CPAMD8: variants seen among roughly 807,000 people sequenced by gnomAD.
CPAMD8 encodes the protein C3 and PZP-like alpha-2-macroglobulin domain-containing protein 8.
A neutral mutation model predicts 224.7 loss-of-function variants in CPAMD8; 146 were observed. The observed-to-expected ratio is 0.65, with a 90% confidence interval of 0.57 to 0.75. CPAMD8 has a LOEUF of 0.75. CPAMD8 is among the 30% of genes least tolerant of loss of function. CPAMD8 has a pLI of 0.00. For missense variants in CPAMD8, 2,301 were observed against 2,537.5 expected (o/e 0.91, Z 2.00); for synonymous variants, 966 against 1,044.6 (o/e 0.92, Z 1.45).
In CPAMD8 at chr19:17,011,637, C is replaced by T. The variant is rs1358423323; in HGVS notation, c.388G>A (p.Val130Ile). The T allele has an allele frequency of 1.2e-6, 2 of 1,614,172 alleles. No individual in the cohort carries two copies. The highest frequency in any genetic ancestry group is 2.2e-5 in the East Asian group (1 of 44,876). Residue 130 changes from valine to isoleucine, a missense_variant, in exon 4 of 42, where the codon GTA becomes ATA. Val to Ile is a conservative substitution (Grantham distance 29). Coordinates refer to ENST00000443236, the MANE Select transcript of CPAMD8 (RefSeq NM_015692.5). ...ACAGGCTTGTCCGTCTGGATGAATA[C>T]AGAAGCGCCCCGGCCGTCCACGGTC... is the stretch of plus-strand genomic sequence containing the variant. ...SVTVDGRGAS[V>I]FIQTDKPVYR...
intron 27 of CPAMD8, among the ~76,000 whole-genome samples, chr19:16,918,787 A>G (rs2053059503): frequency 7.3e-6 from 1 of 136,642 alleles, no homozygotes; most frequent in Non-Finnish European, 1.5e-5. Context: ...TTCGATCTGT[A>G]GTTGATTGAA....
chr19:16,975,961 C>G lies in CPAMD8; in HGVS notation c.1908+41G>C, dbSNP rs189856077. On this transcript the variant is annotated intron_variant, in intron 16 of 41. Transcript: ENST00000443236. Reference sequence around the variant, plus strand: ...AAGGGAGAGCAAGAGAAGGTAAAGCCCCGTGGAGGTCTAGAACCCAAGCCC... The same window carrying G: ...AAGGGAGAGCAAGAGAAGGTAAAGCGCCGTGGAGGTCTAGAACCCAAGCCC... The G allele has an allele frequency of 2.2e-5, 33 of 1,479,076 alleles. No individual in the cohort carries two copies. In the East Asian group the frequency reaches 8.2e-4, roughly 37 times the overall value. The allele number at this position is 1,479,076 out of a possible 1,614,324, so 91.6% of individuals were successfully genotyped here.
chr19:16,904,176 A>ACCGCCCCCCCC, intron 32 of CPAMD8, 50 bp downstream of exon 32: 1 of 937,338 alleles, frequency 1.1e-6, no homozygotes, highest in Non-Finnish European at 1.7e-6. Flanking sequence ...GACTGCAGGG[A>ACCGCCCCCCCC]CCCCACCCAC....
intron 2 of CPAMD8, 77 bp from the exon 3 acceptor site, chr19:17,020,430 A>G (rs917500448): frequency 3.9e-5 from 42 of 1,067,718 alleles, no homozygotes; most frequent in Admixed American, 2.0e-4. Context: ...AGCCTCACAA[A>G]CCACAAACTT....
rs747880008 is a variant in CPAMD8 at position 16,929,185 on chromosome 19, T to C, written c.2901A>G (p.Pro967=). 6.2e-7 allele frequency: 1 copy of C among 1,613,994 alleles called. No individual in the cohort carries two copies. Among genetic ancestry groups the C allele is most frequent in the Admixed American group, 1.7e-5 (1 of 60,022 alleles). The change falls in exon 24 of 42, where the codon CCA becomes CCG. Residue 967 remains proline (P), a synonymous_variant. Transcript: ENST00000443236. The stretch of plus-strand genomic sequence containing the variant: ...CCACATCAAAGCGGGTGAGGCGCAG[T>C]GGCCGCTGCACATACTGGAACTCAT... ...NKYEFQYVQR[P]LRLTRFDVAV... is the part of the protein sequence containing the mutation.
intron 14 of CPAMD8, among the ~76,000 whole-genome samples, chr19:16,979,191 C>T (rs1323610783): frequency 6.6e-6 from 1 of 150,742 alleles, no homozygotes; most frequent in Non-Finnish European, 1.5e-5. Context: ...TTCATCTATT[C>T]ATCCAGTCAT....
chr19:16,913,523 G>A (rs530605475), intron 29 of CPAMD8, among the ~76,000 whole-genome samples: 1 of 152,242 alleles, frequency 6.6e-6, no homozygotes, highest in Admixed American at 6.5e-5. Context: ...AACCAAATCT[G>A]CCTGTGCCTT....
In CPAMD8 at chr19:16,898,713, G is replaced by A. The variant is rs2052134007; in HGVS notation, c.4849-719C>T. The stretch of plus-strand genomic sequence containing the variant: ...GGAATCATGTACTCTGTGGCCTTTT[G>A]TGTCTGGCTTCTTTCACTCAGCATC... On this transcript the variant is annotated intron_variant, in intron 37 of 41. Transcript: ENST00000443236. The surrounding 1 kb of genome is among the most constrained non-coding windows in gnomAD (Gnocchi z 4.2). 2.0e-5 allele frequency among the ~76,000 whole-genome samples: 3 copies of A among 152,010 alleles called. No homozygotes were observed. Among genetic ancestry groups the A allele is most frequent in the African/African-American group, 4.8e-5 (2 of 41,386 alleles).
chr19:17,011,420 A>T (rs1251337634), intron 5 of CPAMD8, 44 bp downstream of exon 5: 1 of 1,610,336 alleles, frequency 6.2e-7, no homozygotes, highest in African/African-American at 1.3e-5. Context: ...AGGTAGTCCC[A>T]AGTGGGTGCA....
intron 19 of CPAMD8, among the ~76,000 whole-genome samples, chr19:16,953,618 T>C (rs1163821611): frequency 6.7e-6 from 1 of 149,318 alleles, no homozygotes; most frequent in Non-Finnish European, 1.5e-5. Context: ...GGGGGATCAC[T>C]TGAACACCTG....
intron 17 of CPAMD8, among the ~76,000 whole-genome samples, chr19:16,971,612 C>T (rs1025884591): frequency 6.6e-6 from 1 of 151,954 alleles, no homozygotes; most frequent in African/African-American, 2.4e-5. Context: ...GGAGTAATTG[C>T]TACTGGGGAT....
chr19:17,009,160 G>T lies in CPAMD8; in HGVS notation c.504+143C>A, dbSNP rs1007694725. On this transcript the variant is annotated intron_variant, in intron 6 of 41. Transcript: ENST00000443236. ...ATCCCAGGGCGGACCCAGGGACCAG[G>T]ATAGAAGAGGCCAGGTCCCAGCCTT... 3.6e-6 allele frequency: 5 copies of T among 1,406,124 alleles called. No homozygotes were observed. In the Admixed American group the frequency reaches 7.2e-5, roughly 20 times the overall value. The allele number at this position is 1,406,124 out of a possible 1,614,324, so 87.1% of individuals were successfully genotyped here. A position where few individuals can be genotyped will look rare whatever the true frequency, so the allele number is the denominator to read the frequency against.
intron 16 of CPAMD8, among the ~76,000 whole-genome samples, 183 bp from the exon 17 acceptor site, chr19:16,975,441 C>T (rs1368139517): frequency 6.6e-6 from 1 of 152,146 alleles, no homozygotes; most frequent in Non-Finnish European, 1.5e-5. Context: ...GCACAGTGGC[C>T]CATGCCTCTA....
intron 23 of CPAMD8, among the ~76,000 whole-genome samples, chr19:16,934,312 A>C (rs1168357531): frequency 6.6e-6 from 1 of 152,168 alleles, no homozygotes; most frequent in Non-Finnish European, 1.5e-5. Flanking sequence ...AATGTGTGTA[A>C]TTTATTGTAT....
intron 19 of CPAMD8, among the ~76,000 whole-genome samples, chr19:16,956,459 T>C (rs2054474854): frequency 6.6e-6 from 1 of 152,038 alleles, no homozygotes; most frequent in African/African-American, 2.4e-5. Flanking sequence ...TTTAGGCACC[T>C]GTCTACTCTA....
intron 23 of CPAMD8, among the ~76,000 whole-genome samples, chr19:16,935,475 G>C (rs2053656939): frequency 6.6e-6 from 1 of 151,968 alleles, no homozygotes; most frequent in African/African-American, 2.4e-5. Flanking sequence ...ATAAAATTTT[G>C]TCATTTCAAA....
At chr19:16,922,136 G>C in intron 26 of CPAMD8, 150 bp from the exon 27 acceptor site, 2 of 605,760 alleles carry the variant, frequency 3.3e-6, no homozygotes, top group Admixed American at 2.9e-5. Context: ...ATCACATCTG[G>C]AGTCCTTGAA....
chr19:16,939,213 A>G (rs891227135), intron 22 of CPAMD8, among the ~76,000 whole-genome samples: 12 of 145,012 alleles, frequency 8.3e-5, no homozygotes, highest in African/African-American at 3.1e-4. Context: ...GTATCTATCT[A>G]TCTATCTATG....
chr19:16,936,985 C>CTCCT (rs201574366), intron 23 of CPAMD8, among the ~76,000 whole-genome samples: 11 of 150,808 alleles, frequency 7.3e-5, no homozygotes, highest in Non-Finnish European at 1.3e-4. Context: ...TCTTTTCTTT[C>CTCCT]TCCTTCCTTC....
Sources: allele counts gnomAD v4.1 joint callset (sites outside exome capture counted in the v4.1 genomes callset), GRCh38; gene constraint gnomAD v4.1.1; non-coding constraint Gnocchi (gnomAD v3.1); transcripts MANE v1.5; gene names NCBI Gene and HGNC (gene_info 2026-07-23, HGNC 2026-07-21).